CDK8: variants seen among roughly 807,000 people sequenced by gnomAD.
CDK8 encodes the protein cyclin dependent kinase 8, also known as cyclin-dependent kinase 8.
CDK8 carries 29 observed loss-of-function variants against 71.5 expected under a neutral mutation model. That is an observed-to-expected ratio of 0.41 (90% CI 0.30 to 0.55). The LOEUF (loss-of-function observed/expected upper bound fraction) is 0.55, where lower values mean the gene tolerates loss of function less well. Ranked by LOEUF, CDK8 falls within the 20% of genes least tolerant of loss-of-function variation. The pLI, the probability that CDK8 is intolerant of heterozygous loss-of-function variation, is 0.37. For missense variants in CDK8, 288 were observed against 572.6 expected (o/e 0.50, Z 5.07); for synonymous variants, 161 against 192.1 (o/e 0.84, Z 1.34).
intron 1 of CDK8, among the ~76,000 whole-genome samples, chr13:26,330,633 AT>A (rs34189682): frequency 0.41 from 61,613 of 148,574 alleles, 14,160 homozygotes; most frequent in Middle Eastern, 0.52. Context: ...ACGTGTTCAC[AT>A]TTTTTTTTTT....
At chr13:26,285,585 A>G (rs530393061) in intron 1 of CDK8, among the ~76,000 whole-genome samples, 1 of 152,338 alleles carries the variant, frequency 6.6e-6, no homozygotes, top group African/African-American at 2.4e-5. Flanking sequence ...CTGGAACAAG[A>G]CAAGGATGCT....
At chr13:26,284,133 G>A (rs1872891197) in intron 1 of CDK8, among the ~76,000 whole-genome samples, 1 of 152,154 alleles carries the variant, frequency 6.6e-6, no homozygotes, top group South Asian at 2.1e-4. Context: ...CTGGAATATA[G>A]CAAATGTGGT....
chr13:26,364,422 C>T (rs976560351), intron 4 of CDK8, among the ~76,000 whole-genome samples: 1 of 152,046 alleles, frequency 6.6e-6, no homozygotes, highest in Non-Finnish European at 1.5e-5. Context: ...TTTGGAAGCC[C>T]TTGCACTAGA....
chr13:26,330,236 G>T (rs1371294652), intron 1 of CDK8, among the ~76,000 whole-genome samples: 2 of 152,114 alleles, frequency 1.3e-5, no homozygotes, highest in African/African-American at 2.4e-5. Flanking sequence ...ATGAGACAGA[G>T]TCTCTGTCGC....
chr13:26,384,071 A>G (rs1875356849), intron 5 of CDK8, among the ~76,000 whole-genome samples: 1 of 152,218 alleles, frequency 6.6e-6, no homozygotes, highest in Non-Finnish European at 1.5e-5. Context: ...GGGAAAATTT[A>G]TGTAATACAC....
intron 7 of CDK8, among the ~76,000 whole-genome samples, chr13:26,395,409 G>C (rs1162746073): frequency 6.6e-6 from 1 of 151,748 alleles, no homozygotes; most frequent in Non-Finnish European, 1.5e-5. Flanking sequence ...CTTGAACCTG[G>C]GAGGCAGAGG....
chr13:26,367,877 C>G (rs1347178086), intron 4 of CDK8, among the ~76,000 whole-genome samples: 3 of 152,126 alleles, frequency 2.0e-5, no homozygotes, highest in Non-Finnish European at 4.4e-5. Flanking sequence ...TGCCTGGTAT[C>G]TTTTTCTCAA....
chr13:26,281,627 T>TAATAAAACAAGGTTCTATAA (rs1555326954), intron 1 of CDK8, among the ~76,000 whole-genome samples: 4 of 146,616 alleles, frequency 2.7e-5, no homozygotes, highest in South Asian at 2.1e-4. Context: ...CAGCAATGGG[T>TAATAAAACAAGGTTCTATAA]CCAAATCAAG....
chr13:26,265,201 C>A (rs1281079451), intron 1 of CDK8, among the ~76,000 whole-genome samples: 1 of 152,176 alleles, frequency 6.6e-6, no homozygotes, highest in East Asian at 1.9e-4. Flanking sequence ...TTCCCACCAA[C>A]TATGCTAGGT....
intron 1 of CDK8, among the ~76,000 whole-genome samples, chr13:26,320,403 C>G (rs1247743439): frequency 1.3e-5 from 2 of 151,664 alleles, no homozygotes; most frequent in Non-Finnish European, 1.5e-5. Context: ...AAAGCAAGTC[C>G]CCATCTCTTA....
rs1871939411 is a variant in CDK8 at position 26,264,577 on chromosome 13, T to TA, written c.128+9809dup. Among the ~76,000 whole-genome samples the TA allele has an allele frequency of 2.0e-5, 3 of 152,244 alleles. No individual in the cohort carries two copies. In the South Asian group the frequency reaches 6.2e-4, roughly 31 times the overall value. Reference sequence around the variant, plus strand: ...AAATTTTCTTAGATGTATATATGCATAGTGGTGAAGTCAGGGTACTTAGGA... The same window carrying TA: ...AAATTTTCTTAGATGTATATATGCATAAGTGGTGAAGTCAGGGTACTTAGGA... On this transcript the variant is annotated intron_variant, in intron 1 of 12. Transcript: ENST00000381527.
chr13:26,335,234 C>G (rs2137969575), intron 1 of CDK8, among the ~76,000 whole-genome samples: 1 of 152,208 alleles, frequency 6.6e-6, no homozygotes, highest in Middle Eastern at 3.4e-3. Context: ...CAATATAGAC[C>G]CTGCCACCAC....
intron 1 of CDK8, among the ~76,000 whole-genome samples, chr13:26,291,682 A>G (rs552943731): frequency 2.1e-4 from 32 of 152,252 alleles, no homozygotes; most frequent in African/African-American, 7.7e-4. Context: ...TCCTATTTTT[A>G]AATTTAGAGT....
chr13:26,361,171 T>C (rs1428151835), intron 4 of CDK8, among the ~76,000 whole-genome samples: 1 of 152,206 alleles, frequency 6.6e-6, no homozygotes, highest in Non-Finnish European at 1.5e-5. Context: ...CCTCACTTTA[T>C]TCAAAAACAT....
chr13:26,377,211 G>A (rs1365859570), intron 4 of CDK8, among the ~76,000 whole-genome samples: 1 of 152,226 alleles, frequency 6.6e-6, no homozygotes, highest in Admixed American at 6.5e-5. Context: ...CCCAACAGGG[G>A]GTGCAGCCCC....
Position 26,396,337 on chromosome 13 carries a change from A to C in CDK8, c.843A>C (p.Lys281Asn). 1 of 1,457,986 alleles carries C rather than the reference A, an allele frequency of 6.9e-7. No homozygotes were observed. The highest frequency in any genetic ancestry group is 9.4e-7 in the Non-Finnish European group (1 of 1,065,676). 90.3% of individuals were successfully genotyped at this position (1,457,986 alleles called of 1,614,324 possible). A position where few individuals can be genotyped will look rare whatever the true frequency, so the allele number is the denominator to read the frequency against. ...TGCCTGAACATTCAACATTAATGAA[A>C]GATTTCAGAAGAAATACGTAAGTTG... ...KKMPEHSTLM[K>N]DFRRNTYTNC... The change falls in exon 8 of 13, where the codon AAA becomes AAC. Residue 281 changes from lysine to asparagine, a missense_variant. Physicochemically the swap from Lys to Asn is moderately conservative, Grantham distance 94. Transcript: ENST00000381527.
At chr13:26,361,542 G>T (rs960151990) in intron 4 of CDK8, among the ~76,000 whole-genome samples, 1 of 152,056 alleles carries the variant, frequency 6.6e-6, no homozygotes, top group African/African-American at 2.4e-5. Flanking sequence ...TAATAAATTT[G>T]TTGAGCATCT....
intron 4 of CDK8, among the ~76,000 whole-genome samples, chr13:26,366,617 A>G (rs1874401476): frequency 6.6e-6 from 1 of 152,178 alleles, no homozygotes. Context: ...TACTAAAAGT[A>G]TAATACTCTA....
intron 4 of CDK8, among the ~76,000 whole-genome samples, chr13:26,355,415 A>C (rs758361195): frequency 4.6e-5 from 7 of 152,144 alleles, no homozygotes; most frequent in Non-Finnish European, 1.0e-4. Context: ...GGAGTTCAAG[A>C]TCAGGCTGGC....
Sources: gnomAD v4.1 joint callset for allele counts (sites outside exome capture counted in the v4.1 genomes callset) on GRCh38, gnomAD v4.1.1 for gene constraint, MANE v1.5 for transcripts, NCBI Gene and HGNC (gene_info 2026-07-23, HGNC 2026-07-21) for gene names.